The following MAGI2 variants were observed in gnomAD, a reference collection of about 807,000 sequenced individuals.
MAGI2 encodes the protein membrane associated guanylate kinase, WW and PDZ domain containing 2.
A neutral mutation model predicts 133.3 loss-of-function variants in MAGI2; 35 were observed. The observed-to-expected ratio is 0.26, with a 90% confidence interval of 0.20 to 0.35. The LOEUF (loss-of-function observed/expected upper bound fraction) is 0.35. MAGI2 is among the 10% of genes least tolerant of loss of function. The probability of loss-of-function intolerance (pLI) is 1.00; values close to 1 mark genes in which losing one functional copy is unlikely to be tolerated. For synonymous variants in MAGI2, 729 were observed against 710.6 expected (o/e 1.03, Z -0.41); for missense variants, 1,636 against 1,863.4 (o/e 0.88, Z 2.25).
intron 1 of MAGI2, among the ~76,000 whole-genome samples, chr7:79,430,918 T>C (rs576572825): frequency 6.6e-6 from 1 of 152,308 alleles, no homozygotes; most frequent in Non-Finnish European, 1.5e-5. Context: ...CAATATCAAA[T>C]TGCTAACTTC....
chr7:79,087,456 A>G (rs933211290), intron 1 of MAGI2, among the ~76,000 whole-genome samples: 9 of 151,994 alleles, frequency 5.9e-5, no homozygotes, highest in Admixed American at 5.3e-4. Flanking sequence ...CAATGTTTAC[A>G]TAAGTATTTT....
intron 2 of MAGI2, among the ~76,000 whole-genome samples, chr7:78,883,494 T>G (rs1355685590): frequency 1.3e-5 from 2 of 152,108 alleles, no homozygotes; most frequent in African/African-American, 2.4e-5. Flanking sequence ...ACCAATGCCA[T>G]TTTTTACAAA....
At chr7:78,891,907 G>T (rs1264681015) in intron 2 of MAGI2, among the ~76,000 whole-genome samples, 2 of 152,018 alleles carry the variant, frequency 1.3e-5, no homozygotes, top group African/African-American at 2.4e-5. Flanking sequence ...AGAAATAAAG[G>T]GTATTCAATT....
chr7:79,036,051 T>C (rs1811098181), intron 1 of MAGI2, among the ~76,000 whole-genome samples: 1 of 152,176 alleles, frequency 6.6e-6, no homozygotes, highest in Non-Finnish European at 1.5e-5. Context: ...ATCAGAAATG[T>C]GAGGAGTCAG....
intron 20 of MAGI2, among the ~76,000 whole-genome samples, chr7:78,113,160 G>A (rs921351377): frequency 8.6e-6 from 1 of 116,584 alleles, no homozygotes; most frequent in African/African-American, 2.9e-5. Context: ...CACGCAGGGA[G>A]GGGGACTGGG....
chr7:79,333,369 G>A lies in MAGI2; in HGVS notation c.301+119651C>T, dbSNP rs184754988. ...TCTCAAACTCCTGACCTCTTGATCC[G>A]CCTGCTTCAGCCTCCCAAAGTGCTG... On this transcript the variant is annotated intron_variant, in intron 1 of 21. Coordinates refer to ENST00000354212, the MANE Select transcript of MAGI2 (RefSeq NM_012301.4). Among the ~76,000 whole-genome samples, 288 of 152,036 alleles carry A rather than the reference G, an allele frequency of 1.9e-3. 1 individual carries two copies. Among genetic ancestry groups the A allele is most frequent in the African/African-American group, 6.3e-3 (260 of 41,466 alleles).
chr7:78,431,849 TA>T (rs1218715491), intron 6 of MAGI2, among the ~76,000 whole-genome samples: 1 of 152,002 alleles, frequency 6.6e-6, no homozygotes, highest in African/African-American at 2.4e-5. Flanking sequence ...AAAATAGACA[TA>T]AGTAAAAGTT....
intron 21 of MAGI2, among the ~76,000 whole-genome samples, chr7:78,038,548 C>T (rs569836967): frequency 3.0e-4 from 45 of 149,702 alleles, no homozygotes; most frequent in African/African-American, 9.6e-4. Context: ...CTGTGGACCA[C>T]ATCACCTGAG....
chr7:79,428,793 C>A (rs1847575969), intron 1 of MAGI2, among the ~76,000 whole-genome samples: 1 of 152,060 alleles, frequency 6.6e-6, no homozygotes, highest in Non-Finnish European at 1.5e-5. Context: ...TGAGTTAATA[C>A]CCTACTGAAA....
At chr7:78,817,339 A>C (rs1789676987) in intron 2 of MAGI2, among the ~76,000 whole-genome samples, 1 of 152,232 alleles carries the variant, frequency 6.6e-6, no homozygotes. Flanking sequence ...ACATCAACTT[A>C]ATCGACAAAG....
chr7:79,292,167 A>G (rs2129558844), intron 1 of MAGI2, among the ~76,000 whole-genome samples: 1 of 152,210 alleles, frequency 6.6e-6, no homozygotes, highest in South Asian at 2.1e-4. Context: ...AAAACCTACA[A>G]ATTGTCTTGG....
At chr7:78,987,810 A>G (rs1805401113) in intron 2 of MAGI2, among the ~76,000 whole-genome samples, 1 of 151,914 alleles carries the variant, frequency 6.6e-6, no homozygotes, top group African/African-American at 2.4e-5. Flanking sequence ...CATATTCTCT[A>G]TATTAAATAT....
At chr7:79,035,336 A>C (rs1416195367) in intron 1 of MAGI2, among the ~76,000 whole-genome samples, 3 of 152,130 alleles carry the variant, frequency 2.0e-5, no homozygotes, top group African/African-American at 7.2e-5. Flanking sequence ...ATTTGAAATG[A>C]AAAGCAGTGT....
chr7:78,852,479 C>T (rs538684673), intron 2 of MAGI2, among the ~76,000 whole-genome samples: 49 of 152,090 alleles, frequency 3.2e-4, no homozygotes, highest in Non-Finnish European at 4.4e-5. Flanking sequence ...AGATAACCTT[C>T]TATGCATTCT....
At chr7:78,529,907 A>G (rs1247806239) in intron 3 of MAGI2, among the ~76,000 whole-genome samples, 1 of 151,612 alleles carries the variant, frequency 6.6e-6, no homozygotes, top group African/African-American at 2.4e-5. Context: ...TATCCAAAAT[A>G]TTTTAATAAT....
intron 2 of MAGI2, among the ~76,000 whole-genome samples, chr7:78,725,655 C>T (rs549926793): frequency 2.4e-4 from 37 of 152,236 alleles, no homozygotes; most frequent in Admixed American, 1.1e-3. Context: ...AAAAATTAGC[C>T]GGGCGTGGTG....
intron 7 of MAGI2, among the ~76,000 whole-genome samples, chr7:78,352,605 C>T (rs1791632672): frequency 6.6e-6 from 1 of 152,262 alleles, no homozygotes; most frequent in African/African-American, 2.4e-5. Context: ...TTCTCCTGCT[C>T]TTCCTGGACA....
At chr7:79,077,592 A>T (rs113735503) in intron 1 of MAGI2, among the ~76,000 whole-genome samples, 2,367 of 126,846 alleles carry the variant, frequency 0.019, 125 homozygotes, top group East Asian at 0.081. Context: ...AAAAAAAAAA[A>T]AAATAAATAA....
chr7:78,285,083 T>C (rs996045113), intron 9 of MAGI2, among the ~76,000 whole-genome samples: 1 of 152,126 alleles, frequency 6.6e-6, no homozygotes, highest in Non-Finnish European at 1.5e-5. Flanking sequence ...AGGAGACAGC[T>C]TTTATGAGCC....
Sources: allele counts gnomAD v4.1 joint callset (sites outside exome capture counted in the v4.1 genomes callset), GRCh38; gene constraint gnomAD v4.1.1; transcripts MANE v1.5; gene names NCBI Gene and HGNC (gene_info 2026-07-23, HGNC 2026-07-21).